The following GPC6 variants were observed in gnomAD, a reference collection of about 807,000 sequenced individuals.
GPC6 encodes glypican 6.
In GPC6, 14 loss-of-function variants were observed where a neutral mutation model predicts 55.2. The observed-to-expected ratio is 0.25, with a 90% confidence interval of 0.17 to 0.40. The LOEUF is 0.40. Among genes scored for constraint, GPC6 ranks in the 10% least tolerant of loss-of-function variants. The pLI is 1.00. For synonymous variants in GPC6, 278 were observed against 259.6 expected (o/e 1.07, Z -0.68); for missense variants, 641 against 708.5 (o/e 0.90, Z 1.08).
chr13:93,383,188 C>T (rs541223231), intron 1 of GPC6, among the ~76,000 whole-genome samples: 7 of 152,206 alleles, frequency 4.6e-5, no homozygotes, highest in Admixed American at 6.5e-5. Flanking sequence ...AACATCATGA[C>T]GATTAACTAA....
At chr13:93,562,970 A>G (rs1875888200) in intron 2 of GPC6, among the ~76,000 whole-genome samples, 2 of 152,194 alleles carry the variant, frequency 1.3e-5, no homozygotes, top group Non-Finnish European at 2.9e-5. Context: ...TACTTTCTCC[A>G]TAAGGAAAAC....
At chr13:93,411,224 C>T (rs781670679) in intron 1 of GPC6, among the ~76,000 whole-genome samples, 5 of 152,160 alleles carry the variant, frequency 3.3e-5, no homozygotes, top group Non-Finnish European at 5.9e-5. Context: ...TTGGAGTCTT[C>T]GTCAACAGAC....
intron 4 of GPC6, among the ~76,000 whole-genome samples, chr13:94,118,116 G>A (rs1433297230): frequency 6.6e-6 from 1 of 152,040 alleles, no homozygotes; most frequent in East Asian, 1.9e-4. Context: ...GATGTGGTTT[G>A]TCTGTGTCCC....
intron 4 of GPC6, among the ~76,000 whole-genome samples, chr13:94,254,579 G>T (rs1891450359): frequency 6.6e-6 from 1 of 151,922 alleles, no homozygotes; most frequent in Non-Finnish European, 1.5e-5. Flanking sequence ...AGAAACAGTT[G>T]ATTGATGTCA....
At chr13:94,261,645 G>C (rs1891661327) in intron 4 of GPC6, among the ~76,000 whole-genome samples, 1 of 152,220 alleles carries the variant, frequency 6.6e-6, no homozygotes, top group Admixed American at 6.5e-5. Context: ...CACACTAATA[G>C]TTAATAACTA....
intron 3 of GPC6, among the ~76,000 whole-genome samples, chr13:93,871,241 G>C (rs942640468): frequency 6.6e-6 from 1 of 151,912 alleles, no homozygotes; most frequent in African/African-American, 2.4e-5. Context: ...TAAATACTCA[G>C]AGCTCCAAGT....
intron 6 of GPC6, among the ~76,000 whole-genome samples, chr13:94,372,626 G>A (rs1471468336): frequency 2.0e-5 from 3 of 151,468 alleles, no homozygotes; most frequent in African/African-American, 4.9e-5. Flanking sequence ...AGGCGGCAGC[G>A]AGGCTGGGGG....
chr13:93,281,448 A>G (rs186309210), intron 1 of GPC6, among the ~76,000 whole-genome samples: 10 of 152,286 alleles, frequency 6.6e-5, no homozygotes, highest in African/African-American at 2.4e-4. Context: ...TATGTAAGAA[A>G]CCCAAATAAT....
At chr13:93,757,400 C>T (rs1034345910) in intron 2 of GPC6, among the ~76,000 whole-genome samples, 1 of 152,078 alleles carries the variant, frequency 6.6e-6, no homozygotes, top group South Asian at 2.1e-4. Context: ...TAGCTTGGAG[C>T]AGCACAATGA....
intron 3 of GPC6, among the ~76,000 whole-genome samples, chr13:93,984,599 T>C (rs1443100799): frequency 6.6e-6 from 1 of 152,218 alleles, no homozygotes; most frequent in Non-Finnish European, 1.5e-5. Flanking sequence ...GCCAAAAGTA[T>C]GATCTATGTA....
chr13:94,153,273 A>G (rs1355135858), intron 4 of GPC6, among the ~76,000 whole-genome samples: 1 of 152,072 alleles, frequency 6.6e-6, no homozygotes, highest in Non-Finnish European at 1.5e-5. Flanking sequence ...TCACTTCATA[A>G]ATTTTTTTCA....
At chr13:93,889,297 A>G (rs1238914310) in intron 3 of GPC6, among the ~76,000 whole-genome samples, 1 of 152,114 alleles carries the variant, frequency 6.6e-6, no homozygotes, top group Non-Finnish European at 1.5e-5. Flanking sequence ...GGAGGTATAT[A>G]TAGTTTTTTT....
intron 1 of GPC6, among the ~76,000 whole-genome samples, chr13:93,428,186 G>T (rs1331999794): frequency 1.6e-4 from 2 of 12,250 alleles, no homozygotes; most frequent in Non-Finnish European, 3.6e-3. Flanking sequence ...AATGAATTTA[G>T]CAAAAATAGA....
intron 4 of GPC6, among the ~76,000 whole-genome samples, chr13:94,150,814 GTATATA>G (rs34636081): frequency 0.011 from 1,145 of 100,670 alleles, 114 homozygotes; most frequent in African/African-American, 0.042. Flanking sequence ...GAGATCAGCA[GTATATA>G]TATATATATA....
At chr13:93,333,093 G>T (rs999250975) in intron 1 of GPC6, among the ~76,000 whole-genome samples, 1 of 152,114 alleles carries the variant, frequency 6.6e-6, no homozygotes, top group African/African-American at 2.4e-5. Context: ...ATCATGTTTT[G>T]GTTGTGATCG....
chr13:94,221,760 A>C (rs562561108), intron 4 of GPC6, among the ~76,000 whole-genome samples: 73 of 152,234 alleles, frequency 4.8e-4, no homozygotes, highest in Middle Eastern at 3.4e-3. Flanking sequence ...GGTACAGACT[A>C]ACAAGACTTA....
chr13:94,091,095 C>G (rs1176894048), intron 4 of GPC6, among the ~76,000 whole-genome samples: 1 of 151,932 alleles, frequency 6.6e-6, no homozygotes, highest in African/African-American at 2.4e-5. Flanking sequence ...TAGCTAGAAC[C>G]CATTTTTTGC....
chr13:94,220,755 C>T (rs541748696), intron 4 of GPC6, among the ~76,000 whole-genome samples: 61 of 152,138 alleles, frequency 4.0e-4, no homozygotes, highest in African/African-American at 1.3e-3. Flanking sequence ...TGGCATTCTT[C>T]CCATGTTTGT....
chr13:93,682,680 T>C lies in GPC6; in HGVS notation c.319+137259T>C, dbSNP rs549810097. On this transcript the variant is annotated intron_variant, in intron 2 of 8. Coordinates refer to ENST00000377047, the MANE Select transcript of GPC6 (RefSeq NM_005708.5). ...TGTTATCAGAATCTGCCCATTTTCTTTGAAAAAAAATATATACATCTTTAG... is the reference window on the plus strand; with the variant it reads ...TGTTATCAGAATCTGCCCATTTTCTCTGAAAAAAAATATATACATCTTTAG... Among the ~76,000 whole-genome samples the C allele has an allele frequency of 3.9e-5, 6 of 151,990 alleles. No individual in the cohort carries two copies. In the South Asian group the frequency reaches 1.2e-3, roughly 32 times the overall value.
Sources: gnomAD v4.1 joint callset for allele counts (sites outside exome capture counted in the v4.1 genomes callset) on GRCh38, gnomAD v4.1.1 for gene constraint, MANE v1.5 for transcripts, NCBI Gene and HGNC (gene_info 2026-07-23, HGNC 2026-07-21) for gene names.